Variants in SCGB2B2 observed in about 807,000 individuals in gnomAD.
SCGB2B2 encodes secretoglobin-like protein.
SCGB2B2 carries 11 observed loss-of-function variants against 7.6 expected under a neutral mutation model. That is an observed-to-expected ratio of 1.45 (90% CI 0.91 to 2.40). The LOEUF is 2.40. Among genes scored for constraint, SCGB2B2 ranks in the 30% most tolerant of loss-of-function variants. The pLI is 0.00. For missense variants in SCGB2B2, 104 were observed against 115.4 expected (o/e 0.90, Z 0.45); for synonymous variants, 50 against 48.6 (o/e 1.03, Z -0.12).
chr19:34,648,899 T>A (rs778320540), intron 1 of SCGB2B2, among the ~76,000 whole-genome samples: 20 of 151,744 alleles, frequency 1.3e-4, no homozygotes, highest in African/African-American at 2.4e-4. Context: ...TGATTTATTT[T>A]ATTTATTTAT....
At chr19:34,670,922 G>A (rs2067787341) in intron 1 of SCGB2B2, among the ~76,000 whole-genome samples, 1 of 152,110 alleles carries the variant, frequency 6.6e-6, no homozygotes, top group African/African-American at 2.4e-5. Context: ...TCAGAACTTT[G>A]TGGCTGGTTT....
intron 1 of SCGB2B2, among the ~76,000 whole-genome samples, chr19:34,627,971 T>C (rs901322004): frequency 1.3e-5 from 2 of 152,194 alleles, no homozygotes; most frequent in African/African-American, 4.8e-5. Flanking sequence ...AGATCCTCAC[T>C]TAAAACCGCT....
chr19:34,658,711 A>T (rs547538703), intron 1 of SCGB2B2, among the ~76,000 whole-genome samples: 12 of 151,620 alleles, frequency 7.9e-5, no homozygotes, highest in Non-Finnish European at 1.6e-4. Flanking sequence ...AAACTATTCC[A>T]ATCAACAGAA....
intron 1 of SCGB2B2, among the ~76,000 whole-genome samples, chr19:34,631,664 A>G (rs1035884517): frequency 6.6e-6 from 1 of 152,184 alleles, no homozygotes; most frequent in African/African-American, 2.4e-5. Flanking sequence ...ACAACACTCA[A>G]TATTGTTAAC....
At chr19:34,588,513 T>C (rs1204033431), downstream of SCGB2B2, among the ~76,000 whole-genome samples, 1 of 152,196 alleles carries the variant, frequency 6.6e-6, no homozygotes, top group Non-Finnish European at 1.5e-5. Flanking sequence ...TTGACTCGGC[T>C]TGAAGATCCC....
rs1236423031 is a variant in SCGB2B2 at position 34,591,365 on chromosome 19, G to C, written c.*2190C>G. On this transcript the variant is annotated 3_prime_UTR_variant, in exon 4 of 4. Transcript: ENST00000601241. ...TCTCCCCATATTCAATTCAACAGCA[G>C]GTGCTGTCAGTGCTGCCCCAGCCTC... is the stretch of plus-strand genomic sequence containing the variant. Among the ~76,000 whole-genome samples, 2 of 152,200 alleles carry C rather than the reference G, an allele frequency of 1.3e-5. No individual in the cohort carries two copies. The highest frequency in any genetic ancestry group is 2.9e-5 in the Non-Finnish European group (2 of 68,032).
At chr19:34,656,547 G>A (rs1471445501) in intron 1 of SCGB2B2, among the ~76,000 whole-genome samples, 1 of 151,248 alleles carries the variant, frequency 6.6e-6, no homozygotes, top group Non-Finnish European at 1.5e-5. Context: ...AGGCTGCAGT[G>A]AGCCATGACT....
chr19:34,676,328 T>C lies in SCGB2B2; in HGVS notation c.-2730A>G, dbSNP rs1433851009. ...ATGCTAATTATATGCATTAGCACGC[T>C]AAGAGAAACGCTCATCAGTGCCATG... On this transcript the variant is annotated 5_prime_UTR_variant, in exon 1 of 4. An upstream open reading frame in the 5' UTR loses its in-frame stop. Coordinates refer to ENST00000601241, the MANE Select transcript of SCGB2B2 (RefSeq NM_001025591.4). 1 of 152,208 alleles carries C rather than the reference T, an allele frequency of 6.6e-6. No individual in the cohort carries two copies. Among genetic ancestry groups the C allele is most frequent in the Non-Finnish European group, 1.5e-5 (1 of 68,038 alleles). The allele number at this position is 152,208 out of a possible 1,614,324, so 9.4% of individuals were successfully genotyped here. A position where few individuals can be genotyped will look rare whatever the true frequency, so the allele number is the denominator to read the frequency against.
intron 1 of SCGB2B2, among the ~76,000 whole-genome samples, chr19:34,666,349 A>G (rs751792): frequency 0.58 from 87,835 of 151,552 alleles, 25,927 homozygotes; most frequent in Middle Eastern, 0.67. Context: ...CACCCCACAC[A>G]CTCCCGACAG....
chr19:34,663,837 A>G (rs1281169605), intron 1 of SCGB2B2, among the ~76,000 whole-genome samples: 1 of 152,140 alleles, frequency 6.6e-6, no homozygotes, highest in Non-Finnish European at 1.5e-5. Flanking sequence ...GAGGGGAAAG[A>G]GAGAAAGAAC....
chr19:34,675,663 C>G lies in SCGB2B2; in HGVS notation c.-2065G>C, dbSNP rs148808205. The G allele has an allele frequency of 2.6e-5, 4 of 152,412 alleles. No homozygotes were observed. 9.4% of individuals were successfully genotyped at this position (152,412 alleles called of 1,614,324 possible). A position where few individuals can be genotyped will look rare whatever the true frequency, so the allele number is the denominator to read the frequency against. ...TCCTCACTGCTGCTTGTTATGTGTC[C>G]GGAATTGGTTCCTTCTGGTGGGTTC... On this transcript the variant is annotated 5_prime_UTR_variant, in exon 1 of 4. Transcript: ENST00000601241.
chr19:34,632,588 C>T (rs116231735), intron 1 of SCGB2B2: 2 of 152,186 alleles, frequency 1.3e-5, no homozygotes, highest in African/African-American at 2.4e-5. Flanking sequence ...AAATTAAACA[C>T]TGACCATACC....
At chr19:34,638,703 A>T (rs940939767) in intron 1 of SCGB2B2, among the ~76,000 whole-genome samples, 1 of 152,178 alleles carries the variant, frequency 6.6e-6, no homozygotes, top group Non-Finnish European at 1.5e-5. Context: ...CTCTGATATG[A>T]CTAAATACTT....
intron 1 of SCGB2B2, among the ~76,000 whole-genome samples, chr19:34,597,486 G>A (rs1426422941): frequency 1.3e-5 from 2 of 152,168 alleles, no homozygotes; most frequent in Non-Finnish European, 2.9e-5. Context: ...ACCACTTTCA[G>A]CCATCTCAGC....
intron 1 of SCGB2B2, among the ~76,000 whole-genome samples, chr19:34,633,913 A>G (rs988359928): frequency 7.2e-5 from 11 of 152,198 alleles, no homozygotes; most frequent in Non-Finnish European, 1.6e-4. Context: ...CCCTGCTTCA[A>G]TGGGAGCAAA....
intron 1 of SCGB2B2, among the ~76,000 whole-genome samples, chr19:34,667,056 C>T (rs894593594): frequency 3.9e-5 from 6 of 152,078 alleles, no homozygotes; most frequent in Non-Finnish European, 7.4e-5. Flanking sequence ...AGGGACAGGC[C>T]GTCATGCAGC....
intron 1 of SCGB2B2, among the ~76,000 whole-genome samples, chr19:34,666,729 C>T (rs944053566): frequency 1.3e-5 from 2 of 152,180 alleles, no homozygotes; most frequent in African/African-American, 2.4e-5. Flanking sequence ...GCCCTGACCC[C>T]GCACTGCATG....
intron 1 of SCGB2B2, among the ~76,000 whole-genome samples, chr19:34,626,935 G>T (rs2066394725): frequency 1.3e-5 from 2 of 152,242 alleles, no homozygotes; most frequent in African/African-American, 4.8e-5. Context: ...CATGCCAAAA[G>T]AGAGTGGGGG....
intron 1 of SCGB2B2, among the ~76,000 whole-genome samples, chr19:34,612,614 G>C (rs775212473): frequency 1.1e-4 from 17 of 152,060 alleles, no homozygotes; most frequent in Non-Finnish European, 1.9e-4. Context: ...TCTTATGAAA[G>C]GAATTTATAT....
Sources: allele counts gnomAD v4.1 joint callset (sites outside exome capture counted in the v4.1 genomes callset), GRCh38; gene constraint gnomAD v4.1.1; transcripts MANE v1.5; gene names NCBI Gene and HGNC (gene_info 2026-07-23, HGNC 2026-07-21).